Variants in HERPUD1 observed in about 807,000 individuals in gnomAD.
HERPUD1 encodes homocysteine-responsive endoplasmic reticulum-resident ubiquitin-like domain member 1 protein.
HERPUD1 carries 17 observed loss-of-function variants against 45.0 expected under a neutral mutation model. The observed-to-expected ratio is 0.38, with a 90% CI of 0.26 to 0.57. The LOEUF is 0.57. Ranked by LOEUF, HERPUD1 falls within the 20% of genes least tolerant of loss-of-function variation. The pLI, the probability that HERPUD1 is intolerant of heterozygous loss-of-function variation, is 0.72. For missense variants in HERPUD1, 420 were observed against 490.5 expected (o/e 0.86, Z 1.36); for synonymous variants, 164 against 177.5 (o/e 0.92, Z 0.61).
In HERPUD1 at chr16:56,935,468, A is replaced by T. The variant is rs142638966; in HGVS notation, c.293A>T (p.Asn98Ile). 1.9e-6 allele frequency: 3 copies of T among 1,613,626 alleles called. No individual in the cohort carries two copies. Among genetic ancestry groups the T allele is most frequent in the Admixed American group, 1.7e-5 (1 of 60,030 alleles). Residue 98 changes from asparagine to isoleucine, a missense_variant, in exon 3 of 8, where the codon AAC becomes ATC. Coordinates refer to ENST00000439977, the MANE Select transcript of HERPUD1 (RefSeq NM_014685.4). The stretch of plus-strand genomic sequence containing the variant: ...AGTCCTTCAAAAATGCCAGAAATCA[A>T]CGCCAAGGTGTGTCTGCCTCTTCAT... ...VKSPSKMPEI[N>I]AKVAESTEEP...
chr16:56,938,550 G>A (rs1218582805), intron 4 of HERPUD1, among the ~76,000 whole-genome samples: 4 of 134,242 alleles, frequency 3.0e-5, no homozygotes, highest in South Asian at 2.3e-4. Flanking sequence ...GCAACAGAGC[G>A]AGACTCCATC....
At chr16:56,942,267 G>A (rs368333269) in intron 7 of HERPUD1, 30 bp downstream of exon 7, 22 of 1,492,580 alleles carry the variant, frequency 1.5e-5, no homozygotes, top group East Asian at 1.1e-4. Flanking sequence ...GCCCAGGCGA[G>A]CTTGACGTGA....
Position 56,944,854 on chromosome 16 carries a change from C to A in HERPUD1, c.*1564C>A, listed in dbSNP as rs1349374163. ...GTTCTATTTGGCAAAATAAATCAGCCTTTTCTATCATGATTGTGGTCATTT... is the reference window on the plus strand; with the variant it reads ...GTTCTATTTGGCAAAATAAATCAGCATTTTCTATCATGATTGTGGTCATTT... On this transcript the variant is annotated 3_prime_UTR_variant, in exon 8 of 8. Transcript: ENST00000439977. 1.3e-5 allele frequency: 2 copies of A among 152,108 alleles called. No individual in the cohort carries two copies. Among genetic ancestry groups the A allele is most frequent in the African/African-American group, 4.8e-5 (2 of 41,396 alleles). The allele number at this position is 152,108 out of a possible 1,614,324, so 9.4% of individuals were successfully genotyped here. A position where few individuals can be genotyped will look rare whatever the true frequency, so the allele number is the denominator to read the frequency against.
intron 6 of HERPUD1, chr16:56,940,468 G>A (rs868522269): frequency 2.1e-4 from 100 of 487,162 alleles, no homozygotes; most frequent in African/African-American, 1.7e-3. Flanking sequence ...CACCATGCCT[G>A]GCTAATTTTT....
At chr16:56,933,241 A>G in intron 1 of HERPUD1, 1 of 455,988 alleles carries the variant, frequency 2.2e-6, no homozygotes, top group Non-Finnish European at 4.4e-6. Context: ...AGGAAAAGAT[A>G]GTGAAGTCGT....
At chr16:56,941,280 G>A (rs1372564505) in intron 6 of HERPUD1, 1 of 152,224 alleles carries the variant, frequency 6.6e-6, no homozygotes, top group Non-Finnish European at 1.5e-5. Context: ...CTGACATTTG[G>A]TTTTAGCTGT....
chr16:56,932,643 C>T (rs1171512724), intron 1 of HERPUD1, among the ~76,000 whole-genome samples: 2 of 152,248 alleles, frequency 1.3e-5, no homozygotes, highest in East Asian at 1.9e-4. Context: ...GCCTGTTTCT[C>T]CCCCAGCGGC....
At chr16:56,932,576 C>T (rs1423957898) in intron 1 of HERPUD1, among the ~76,000 whole-genome samples, 185 bp downstream of exon 1, 2 of 152,268 alleles carry the variant, frequency 1.3e-5, no homozygotes, top group Non-Finnish European at 2.9e-5. Context: ...CCCTCTGTTG[C>T]CCAGTAGCCG....
In HERPUD1 at chr16:56,932,206, C is replaced by T. The variant is rs1186204668; in HGVS notation, c.-39C>T. ...GGCTGAGACGCCGCCTGCCTGGCACCTAGGAGCGCAGCGGAGCCCCGACAC... is the reference window on the plus strand; with the variant it reads ...GGCTGAGACGCCGCCTGCCTGGCACTTAGGAGCGCAGCGGAGCCCCGACAC... On this transcript the variant is annotated 5_prime_UTR_variant, in exon 1 of 8. Coordinates refer to ENST00000439977, the MANE Select transcript of HERPUD1 (RefSeq NM_014685.4). 3.8e-6 allele frequency: 6 copies of T among 1,597,688 alleles called. No individual in the cohort carries two copies. The Admixed American group carries it at 6.8e-5, about 18-fold the overall frequency.
chr16:56,936,678 C>T lies in HERPUD1; in HGVS notation c.301-9C>T. 6.2e-7 allele frequency: 1 copy of T among 1,610,032 alleles called. No homozygotes were observed. On this transcript the variant is annotated splice_polypyrimidine_tract_variant and intron_variant, in intron 3 of 7. Coordinates refer to ENST00000439977, the MANE Select transcript of HERPUD1 (RefSeq NM_014685.4). Reference sequence around the variant, plus strand: ...TCCTTTGTTCTGTGTTCATGTTACACTTATTTAGGTGGCTGAATCCACAGA... The same window carrying T: ...TCCTTTGTTCTGTGTTCATGTTACATTTATTTAGGTGGCTGAATCCACAGA...
rs2055928427 is a variant in HERPUD1, at chr16:56,943,545, T to C, written c.*255T>C. On this transcript the variant is annotated 3_prime_UTR_variant, in exon 8 of 8. Coordinates refer to ENST00000439977, the MANE Select transcript of HERPUD1 (RefSeq NM_014685.4). Reference sequence around the variant, plus strand: ...ATACTCTATGTAGTTTAATAAGCACTGTACGTAGAAGGCCTTAGGTGTTGC... The same window carrying C: ...ATACTCTATGTAGTTTAATAAGCACCGTACGTAGAAGGCCTTAGGTGTTGC... 1 of 530,898 alleles carries C rather than the reference T, an allele frequency of 1.9e-6. No individual in the cohort carries two copies. 32.9% of individuals were successfully genotyped at this position (530,898 alleles called of 1,614,324 possible).
chr16:56,933,362 T>C (rs1307258743), intron 1 of HERPUD1: 1 of 456,026 alleles, frequency 2.2e-6, no homozygotes, highest in South Asian at 1.5e-5. Flanking sequence ...CATATTTATT[T>C]AGTAAGCTTG....
At position 56,939,139 on chromosome 16, in the gene HERPUD1, T is replaced by C; in HGVS notation, c.432-98T>C. The C allele has an allele frequency of 3.0e-6, 4 of 1,355,230 alleles. 1 individual carries two copies. The South Asian group carries it at 5.0e-5, about 17-fold the overall frequency. 84.0% of individuals were successfully genotyped at this position (1,355,230 alleles called of 1,614,324 possible). On this transcript the variant is annotated intron_variant, in intron 4 of 7. Coordinates refer to ENST00000439977, the MANE Select transcript of HERPUD1 (RefSeq NM_014685.4). Reference sequence around the variant, plus strand: ...AACTGCCGTAAATTCCATTCTTCTGTCTCTTCGATTTGAATTCTTGATTTT... The same window carrying C: ...AACTGCCGTAAATTCCATTCTTCTGCCTCTTCGATTTGAATTCTTGATTTT...
chr16:56,932,750 G>T (rs1321017785), intron 1 of HERPUD1, among the ~76,000 whole-genome samples: 1 of 152,230 alleles, frequency 6.6e-6, no homozygotes, highest in Non-Finnish European at 1.5e-5. Context: ...CAGCCTCTCT[G>T]CAGGGAGAGG....
At chr16:56,935,765 A>G (rs2055861904) in intron 3 of HERPUD1, 2 of 380,992 alleles carry the variant, frequency 5.2e-6, no homozygotes, top group African/African-American at 2.0e-5. Flanking sequence ...CTGAACTAAC[A>G]CTAATCGGGT....
intron 7 of HERPUD1, 102 bp downstream of exon 7, chr16:56,942,339 G>A (rs1176406967): frequency 7.7e-5 from 54 of 697,040 alleles, no homozygotes; most frequent in Non-Finnish European, 1.2e-4. Flanking sequence ...CATTTTATTG[G>A]GCTAAATATT....
chr16:56,936,115 T>C (rs2055864355), intron 3 of HERPUD1: 1 of 153,226 alleles, frequency 6.5e-6, no homozygotes, highest in African/African-American at 2.4e-5. Context: ...TATTCACATA[T>C]ATGGTATTAG....
intron 1 of HERPUD1, among the ~76,000 whole-genome samples, chr16:56,933,603 T>TG (rs1247316941): frequency 6.6e-6 from 1 of 152,232 alleles, no homozygotes. Flanking sequence ...TCTGAAGACC[T>TG]AACATTGTAA....
At chr16:56,936,922 A>G in intron 4 of HERPUD1, 105 bp downstream of exon 4, 1 of 1,274,464 alleles carries the variant, frequency 7.8e-7, no homozygotes, top group Non-Finnish European at 1.1e-6. Context: ...GAACTTTTAA[A>G]CATACAGAAT....
Sources: allele counts gnomAD v4.1 joint callset (sites outside exome capture counted in the v4.1 genomes callset), GRCh38; gene constraint gnomAD v4.1.1; transcripts MANE v1.5; gene names NCBI Gene and HGNC (gene_info 2026-07-23, HGNC 2026-07-21).